The following EXT2 variants were observed in gnomAD, a reference collection of about 807,000 sequenced individuals.
The protein encoded by EXT2 is exostosin glycosyltransferase 2.
EXT2 carries 53 observed loss-of-function variants against 81.6 expected under a neutral mutation model. The ratio of observed to expected loss-of-function variants is 0.65; its 90% confidence interval spans 0.52 to 0.82. The LOEUF is 0.82. EXT2 is among the 40% of genes least tolerant of loss of function. The pLI is 0.00. For synonymous variants in EXT2, 320 were observed against 340.0 expected, an observed-to-expected ratio of 0.94 and a Z score of 0.65; for missense variants, 774 against 910.2, an observed-to-expected ratio of 0.85 and a Z score of 1.93.
intron 8 of EXT2, among the ~76,000 whole-genome samples, chr11:44,185,977 C>T (rs974022254): frequency 6.6e-6 from 1 of 152,224 alleles, no homozygotes; most frequent in Non-Finnish European, 1.5e-5. Flanking sequence ...TATAAGCCAT[C>T]ATGAACATTG....
At chr11:44,171,920 A>G (rs1955080738) in intron 8 of EXT2, 178 bp downstream of exon 8, 2 of 843,356 alleles carry the variant, frequency 2.4e-6, no homozygotes, top group Admixed American at 2.1e-5. Context: ...GACAAAAGTA[A>G]AAAATACGGA....
In EXT2 at chr11:44,247,385, G is replaced by T. The variant is rs936800020; in HGVS notation, c.*3098G>T. ...CTGCCTCAGCCTCCTGAGTAGCTGG[G>T]ATTACAGGCGCTTGCCACCACGCCT... On this transcript the variant is annotated 3_prime_UTR_variant, in exon 14 of 14. Coordinates refer to ENST00000533608, the MANE Select transcript of EXT2 (RefSeq NM_207122.2). Among the ~76,000 whole-genome samples, 1 of 151,430 alleles carries T rather than the reference G, an allele frequency of 6.6e-6. No homozygotes were observed. The highest frequency in any genetic ancestry group is 1.5e-5 in the Non-Finnish European group (1 of 67,960).
At chr11:44,115,016 T>C (rs1189068195) in intron 4 of EXT2, among the ~76,000 whole-genome samples, 2 of 152,142 alleles carry the variant, frequency 1.3e-5, no homozygotes, top group African/African-American at 4.8e-5. Flanking sequence ...TGAAACCACC[T>C]TCTGGGATGG....
intron 8 of EXT2, among the ~76,000 whole-genome samples, chr11:44,174,300 G>C (rs1397699165): frequency 6.6e-6 from 1 of 152,102 alleles, no homozygotes; most frequent in Non-Finnish European, 1.5e-5. Flanking sequence ...CAGGGTGCTT[G>C]GTACTTTGAA....
chr11:44,171,981 T>C (rs1955081824), intron 8 of EXT2: 3 of 557,088 alleles, frequency 5.4e-6, no homozygotes, highest in East Asian at 3.3e-5. Flanking sequence ...GTCTATTTAT[T>C]GCAGAGATAA....
chr11:44,119,041 G>A (rs570180365), intron 4 of EXT2, among the ~76,000 whole-genome samples: 4 of 148,096 alleles, frequency 2.7e-5, no homozygotes, highest in African/African-American at 1.0e-4. Flanking sequence ...TTGAAAGCCT[G>A]TTTGGACCAA....
rs554774017 is a variant in EXT2, at chr11:44,150,107, G to A, written c.1173+19969G>A. The stretch of plus-strand genomic sequence containing the variant: ...AGCACCAGGGAAATGGGATTAAACT[G>A]GAGGAGGTTAAGAGATGGTTAACAA... On this transcript the variant is annotated intron_variant, in intron 7 of 13. Transcript: ENST00000533608. Among the ~76,000 whole-genome samples, 8 of 152,256 alleles carry A rather than the reference G, an allele frequency of 5.3e-5. 1 individual carries two copies. In the East Asian group the frequency reaches 1.5e-3, roughly 29 times the overall value.
chr11:44,178,403 C>T (rs911545611), intron 8 of EXT2, among the ~76,000 whole-genome samples: 1 of 152,166 alleles, frequency 6.6e-6, no homozygotes, highest in Non-Finnish European at 1.5e-5. Flanking sequence ...CATCCATTTC[C>T]TCCTCTTAAC....
chr11:44,126,977 A>G (rs767559085), intron 6 of EXT2, 22 bp downstream of exon 6: 2 of 1,613,672 alleles, frequency 1.2e-6, no homozygotes, highest in African/African-American at 2.7e-5. Context: ...CTCCTAGTAA[A>G]CTCTACATTA....
chr11:44,134,255 T>A (rs1954534476), intron 7 of EXT2, among the ~76,000 whole-genome samples: 1 of 152,224 alleles, frequency 6.6e-6, no homozygotes, highest in Non-Finnish European at 1.5e-5. Flanking sequence ...ATTAACTAGT[T>A]AATTTATTGA....
At chr11:44,151,730 C>T (rs539481738) in intron 7 of EXT2, among the ~76,000 whole-genome samples, 3 of 152,142 alleles carry the variant, frequency 2.0e-5, no homozygotes, top group Non-Finnish European at 4.4e-5. Context: ...GGGTAACCTT[C>T]AGGGAGCACA....
In EXT2 at chr11:44,220,805, A is replaced by G. The variant is rs1253577531; in HGVS notation, c.1663-11548A>G. The stretch of plus-strand genomic sequence containing the variant: ...CAAGTGCTGCTGAAAGAAGATCCCA[A>G]GTAGTGGGCCAGAAGCCCAGGGAGG... On this transcript the variant is annotated intron_variant, in intron 10 of 13. Coordinates refer to ENST00000533608, the MANE Select transcript of EXT2 (RefSeq NM_207122.2). This position sits in a 1 kb window ranked among gnomAD's most constrained non-coding sequence, Gnocchi z 4.4. 6.6e-6 allele frequency among the ~76,000 whole-genome samples: 1 copy of G among 152,176 alleles called. No individual in the cohort carries two copies. The highest frequency in any genetic ancestry group is 2.4e-5 in the African/African-American group (1 of 41,442).
chr11:44,215,865 ATTTTTTTTTTTT>A, intron 10 of EXT2, among the ~76,000 whole-genome samples: 1 of 127,836 alleles, frequency 7.8e-6, no homozygotes, highest in East Asian at 2.4e-4. Context: ...CCATTTGGGA[ATTTTTTTTTTTT>A]TTTTTTTTTT....
chr11:44,135,582 G>A (rs1461400808), intron 7 of EXT2, among the ~76,000 whole-genome samples: 1 of 151,978 alleles, frequency 6.6e-6, no homozygotes, highest in Non-Finnish European at 1.5e-5. Context: ...AGTAGAGATG[G>A]GGTTTTGCCA....
At position 44,206,791 on chromosome 11, in the gene EXT2, A is replaced by G. The variant is rs1564975938; in HGVS notation, c.1496-2A>G. 1.9e-6 allele frequency: 3 copies of G among 1,613,920 alleles called. No homozygotes were observed. Among genetic ancestry groups the G allele is most frequent in the South Asian group, 1.1e-5 (1 of 91,080 alleles). ...TAGTAAATACCTTTTCTCTTTTTCC[A>G]GATTCTCTCTGGCCCAAAATCCGGG... On this transcript the variant is annotated splice_acceptor_variant, in intron 9 of 13. Transcript: ENST00000533608. LOFTEE classifies it high-confidence loss of function.
At chr11:44,105,657 A>T (rs1379799899) in intron 1 of EXT2, among the ~76,000 whole-genome samples, 1 of 152,206 alleles carries the variant, frequency 6.6e-6, no homozygotes. Context: ...TAACATGGTA[A>T]GTATGTGGCA....
At chr11:44,236,173 G>A in intron 12 of EXT2, 120 bp from the exon 13 acceptor site, 2 of 824,934 alleles carry the variant, frequency 2.4e-6, no homozygotes, top group Admixed American at 1.8e-5. Flanking sequence ...GTGTGTGTGT[G>A]TGTGCACGCG....
At chr11:44,180,712 T>A (rs1955222846) in intron 8 of EXT2, among the ~76,000 whole-genome samples, 1 of 152,212 alleles carries the variant, frequency 6.6e-6, no homozygotes, top group Non-Finnish European at 1.5e-5. Context: ...ATTTTTTATT[T>A]CCATATTGTA....
At chr11:44,187,830 T>A (rs1955337890) in intron 8 of EXT2, among the ~76,000 whole-genome samples, 1 of 152,158 alleles carries the variant, frequency 6.6e-6, no homozygotes, top group Admixed American at 6.5e-5. Flanking sequence ...ACTGATCACC[T>A]CTTTTTTTAA....
Sources: allele counts gnomAD v4.1 joint callset (sites outside exome capture counted in the v4.1 genomes callset), GRCh38; gene constraint gnomAD v4.1.1; non-coding constraint Gnocchi (gnomAD v3.1); transcripts MANE v1.5; gene names NCBI Gene and HGNC (gene_info 2026-07-23, HGNC 2026-07-21).